CUL3: variants seen among roughly 807,000 people sequenced by gnomAD.
CUL3 encodes the protein cullin 3.
A neutral mutation model predicts 89.1 loss-of-function variants in CUL3; 19 were observed. The observed-to-expected ratio is 0.21, with a 90% CI of 0.15 to 0.31. CUL3 has a LOEUF of 0.31. CUL3 is among the 10% of genes least tolerant of loss of function. The probability of loss-of-function intolerance (pLI) is 1.00; values close to 1 mark genes in which losing one functional copy is unlikely to be tolerated. For synonymous variants in CUL3, 351 were observed against 308.4 expected (o/e 1.14, Z -1.45); for missense variants, 469 against 942.3 (o/e 0.50, Z 6.58).
rs200301449 is a variant in CUL3 at position 224,530,015 on chromosome 2, G to A, written c.378+5513C>T. ...GCACTTTGGGAGGCCAAGGCGGGCA[G>A]ATCACGAGGTCAGGAGATCGAGACC... On this transcript the variant is annotated intron_variant, in intron 3 of 15. Transcript: ENST00000264414. Among the ~76,000 whole-genome samples, 7 of 152,118 alleles carry A rather than the reference G, an allele frequency of 4.6e-5. No homozygotes were observed. The East Asian group carries it at 1.3e-3, about 29-fold the overall frequency.
At chr2:224,520,677 G>A (rs1286268396) in intron 3 of CUL3, among the ~76,000 whole-genome samples, 1 of 152,122 alleles carries the variant, frequency 6.6e-6, no homozygotes, top group African/African-American at 2.4e-5. Flanking sequence ...TCAACCAGGT[G>A]ACCTCCATGG....
intron 1 of CUL3, among the ~76,000 whole-genome samples, chr2:224,564,616 T>C (rs929754464): frequency 2.0e-5 from 3 of 152,250 alleles, no homozygotes; most frequent in African/African-American, 4.8e-5. Context: ...CAGGGCTATA[T>C]GGTTTCAAGT....
chr2:224,506,889 C>T lies in CUL3; in HGVS notation c.998G>A (p.Gly333Glu), dbSNP rs1692623081. Residue 333 changes from glycine to glutamate, a missense_variant, in exon 7 of 16, where the codon GGA (glycine) becomes GAA (glutamate). Gly to Glu is a moderately conservative substitution (Grantham distance 98, BLOSUM62 -2). Around this residue, in one of 4 missense-constraint regions of CUL3, gnomAD observed 370 missense variants for 733.2 expected, o/e 0.50. Transcript: ENST00000264414. ...EQGKALVSEEGEGKNPVDYIQ... is the reference protein window; with the variant it reads ...EQGKALVSEEEEGKNPVDYIQ... ...ATAGTCAACAGGATTCTTTCCTTCTCCTTCTTCAGAAACAAGAGCTTTACC... is the reference window on the plus strand; with the variant it reads ...ATAGTCAACAGGATTCTTTCCTTCTTCTTCTTCAGAAACAAGAGCTTTACC... 1.2e-6 allele frequency: 2 copies of T among 1,613,584 alleles called. No individual in the cohort carries two copies. The highest frequency in any genetic ancestry group is 2.2e-5 in the East Asian group (1 of 44,792).
chr2:224,487,538 G>A (rs923310147), intron 13 of CUL3, among the ~76,000 whole-genome samples: 1 of 147,262 alleles, frequency 6.8e-6, no homozygotes. Context: ...AGGGATCAAT[G>A]CAACAAGAAG....
chr2:224,514,711 A>G lies in CUL3; in HGVS notation c.440T>C (p.Phe147Ser). 2 of 1,613,552 alleles carry G rather than the reference A, an allele frequency of 1.2e-6. No individual in the cohort carries two copies. The highest frequency in any genetic ancestry group is 1.7e-6 in the Non-Finnish European group (2 of 1,179,558). The change falls in exon 4 of 16, where the codon TTT becomes TCT. Residue 147 changes from phenylalanine to serine, a missense_variant. Transcript: ENST00000264414. ...CCCATAACGTACAACTTGATCTCGAAAAATAATTAATCCCAAATTGTAGAC... is the reference window on the plus strand; with the variant it reads ...CCCATAACGTACAACTTGATCTCGAGAAATAATTAATCCCAAATTGTAGAC... ...ENVYNLGLII[F>S]RDQVVRYGCI...
chr2:224,542,569 G>A (rs972847961), intron 2 of CUL3, among the ~76,000 whole-genome samples: 2 of 151,878 alleles, frequency 1.3e-5, no homozygotes, highest in Admixed American at 6.6e-5. Context: ...GTGTGTGTGT[G>A]TGCGCGCGCG....
chr2:224,535,468 CCTTCAA>C lies in CUL3; in HGVS notation c.378+54_378+59del, dbSNP rs3832047. On this transcript the variant is annotated intron_variant, in intron 3 of 15. Coordinates refer to ENST00000264414, the MANE Select transcript of CUL3 (RefSeq NM_003590.5). ...TACAGGCGTGAGCCACCGTGCCCAGCCTTCAACTTCAAATGCTTAACTGCTTAAAGG... is the reference window on the plus strand; with the variant it reads ...TACAGGCGTGAGCCACCGTGCCCAGCCTTCAAATGCTTAACTGCTTAAAGG... 195,769 of 1,226,794 alleles carry C rather than the reference CCTTCAA, an allele frequency of 0.16. 16,800 individuals are homozygous for C. The highest frequency in any genetic ancestry group is 0.29 in the East Asian group (11,948 of 41,244). The allele number at this position is 1,226,794 out of a possible 1,614,324, so 76.0% of individuals were successfully genotyped here.
At chr2:224,583,007 A>G (rs1695477555) in intron 1 of CUL3, among the ~76,000 whole-genome samples, 1 of 152,216 alleles carries the variant, frequency 6.6e-6, no homozygotes, top group Non-Finnish European at 1.5e-5. Context: ...GTTACTCCAC[A>G]TTTTAGCAAA....
chr2:224,563,012 A>C (rs905318197), intron 1 of CUL3: 7 of 292,732 alleles, frequency 2.4e-5, no homozygotes, highest in African/African-American at 1.6e-4. Flanking sequence ...AACACAGCCC[A>C]GAGCACAGTA....
At chr2:224,580,327 A>G (rs1695403283) in intron 1 of CUL3, among the ~76,000 whole-genome samples, 1 of 152,240 alleles carries the variant, frequency 6.6e-6, no homozygotes. Context: ...TTAAAAATGC[A>G]AATTGTGCAT....
At chr2:224,577,297 G>A (rs558330822) in intron 1 of CUL3, among the ~76,000 whole-genome samples, 5 of 152,152 alleles carry the variant, frequency 3.3e-5, no homozygotes, top group East Asian at 1.9e-4. Flanking sequence ...GGCCGGGCGC[G>A]GTGGCTCACG....
At chr2:224,573,570 G>A (rs1207066485) in intron 1 of CUL3, among the ~76,000 whole-genome samples, 1 of 152,142 alleles carries the variant, frequency 6.6e-6, no homozygotes, top group East Asian at 1.9e-4. Flanking sequence ...CCAACTCCTG[G>A]AACCTGAAGG....
At chr2:224,480,658 T>A (rs1224840550) in intron 14 of CUL3, among the ~76,000 whole-genome samples, 1 of 152,194 alleles carries the variant, frequency 6.6e-6, no homozygotes, top group East Asian at 1.9e-4. Flanking sequence ...AGACAGTTAC[T>A]TATTTAGGGT....
At position 224,470,792 on chromosome 2, in the gene CUL3, G is replaced by T; in HGVS notation, c.*3453C>A. On this transcript the variant is annotated 3_prime_UTR_variant, in exon 16 of 16. Coordinates refer to ENST00000264414, the MANE Select transcript of CUL3 (RefSeq NM_003590.5). ...AATGTGCAAAATTCCATATTGCAAT[G>T]CTTCATGTATTAACTTTAGTTTGTC... The T allele has an allele frequency of 4.3e-6, 1 of 231,390 alleles. No individual in the cohort carries two copies. Among genetic ancestry groups the T allele is most frequent in the Non-Finnish European group, 8.6e-6 (1 of 116,932 alleles). 14.3% of individuals were successfully genotyped at this position (231,390 alleles called of 1,614,324 possible).
At position 224,495,912 on chromosome 2, in the gene CUL3, G is replaced by A. The variant is rs2106180011; in HGVS notation, c.1762C>T (p.Arg588Trp). 1 of 1,613,654 alleles carries A rather than the reference G, an allele frequency of 6.2e-7. No homozygotes were observed. The highest frequency in any genetic ancestry group is 8.5e-7 in the Non-Finnish European group (1 of 1,179,668). The change falls in exon 13 of 16, where the codon CGG (arginine) becomes TGG (tryptophan). Residue 588 changes from arginine (R) to tryptophan (W), a missense_variant. Physicochemically the swap from Arg to Trp is moderately radical, Grantham distance 101. This residue lies in a region of CUL3 where 370 missense variants were observed against 733.2 expected (regional missense o/e 0.50). Transcript: ENST00000264414. The part of the protein sequence containing the change: ...GGAQVTGSNT[R>W]KHILQVSTFQ... ...GTGGAAACTTGCAATATGTGCTTCCGTGTATTAGAGCCAGTTACTTGTGCA... is the reference window on the plus strand; with the variant it reads ...GTGGAAACTTGCAATATGTGCTTCCATGTATTAGAGCCAGTTACTTGTGCA...
In CUL3 at chr2:224,535,543, G is replaced by A; in HGVS notation, c.363C>T (p.Asp121=). ...CTCTACTTACCATGTACATTAGTAT[G>A]TCTCTAATCATCACCATAGCTGTTT... is the stretch of plus-strand genomic sequence containing the variant. The part of the protein sequence containing the change: ...DHQTAMVMIR[D]ILMYMDRVYV... Residue 121 remains aspartate, a synonymous_variant, in exon 3 of 16, where the codon GAC becomes GAT. Coordinates refer to ENST00000264414, the MANE Select transcript of CUL3 (RefSeq NM_003590.5). 1 of 1,589,120 alleles carries A rather than the reference G, an allele frequency of 6.3e-7. No homozygotes were observed. Among genetic ancestry groups the A allele is most frequent in the South Asian group, 1.2e-5 (1 of 86,894 alleles).
intron 15 of CUL3, among the ~76,000 whole-genome samples, chr2:224,476,584 A>T (rs1376017945): frequency 4.6e-5 from 7 of 152,170 alleles, no homozygotes; most frequent in Non-Finnish European, 1.0e-4. Flanking sequence ...CACCCTACAC[A>T]TGTACATTTA....
At chr2:224,548,993 C>T (rs891811781) in intron 2 of CUL3, among the ~76,000 whole-genome samples, 2 of 151,546 alleles carry the variant, frequency 1.3e-5, no homozygotes, top group African/African-American at 4.9e-5. Context: ...CACAATAAGG[C>T]CTGGTCTCCA....
chr2:224,555,128 C>G (rs1358876458), intron 2 of CUL3, among the ~76,000 whole-genome samples: 1 of 152,160 alleles, frequency 6.6e-6, no homozygotes, highest in Non-Finnish European at 1.5e-5. Context: ...GGGCATCTTA[C>G]TATGATCTCA....
Sources: allele counts gnomAD v4.1 joint callset (sites outside exome capture counted in the v4.1 genomes callset), GRCh38; gene constraint gnomAD v4.1.1; regional missense constraint gnomAD v4.1.1; transcripts MANE v1.5; gene names NCBI Gene and HGNC (gene_info 2026-07-23, HGNC 2026-07-21).